ABCA12: variants seen among roughly 807,000 people sequenced by gnomAD.
The protein encoded by ABCA12 is ATP binding cassette subfamily A member 12.
In ABCA12, 156 loss-of-function variants were observed where a neutral mutation model predicts 293.5. That is an observed-to-expected ratio of 0.53 (90% CI 0.47 to 0.61). The LOEUF is 0.61. Ranked by LOEUF, ABCA12 falls within the 20% of genes least tolerant of loss-of-function variation. The probability of loss-of-function intolerance (pLI) is 0.00; values close to 1 mark genes in which losing one functional copy is unlikely to be tolerated. For synonymous variants in ABCA12, 1,063 were observed against 1,108.0 expected, an observed-to-expected ratio of 0.96 and a Z score of 0.81; for missense variants, 2,797 against 3,090.2, an observed-to-expected ratio of 0.91 and a Z score of 2.25.
At chr2:214,991,478 T>C (rs1206586672) in intron 23 of ABCA12, among the ~76,000 whole-genome samples, 2 of 152,078 alleles carry the variant, frequency 1.3e-5, no homozygotes, top group Non-Finnish European at 2.9e-5. Flanking sequence ...TAAAAATCCA[T>C]AATTTTTTTT....
intron 2 of ABCA12, among the ~76,000 whole-genome samples, chr2:215,097,294 G>A (rs1473509997): frequency 6.6e-6 from 1 of 151,614 alleles, no homozygotes; most frequent in African/African-American, 2.4e-5. Flanking sequence ...ATGCTATTAA[G>A]CTTTACCTTA....
chr2:215,050,800 A>G (rs1701305175), intron 5 of ABCA12: 1 of 985,300 alleles, frequency 1.0e-6, no homozygotes, highest in Non-Finnish European at 1.2e-6. Context: ...TCACCCAAAA[A>G]TGATTTCTCT....
chr2:214,932,337 A>AAATT lies in ABCA12; in HGVS notation c.*293_*296dup, dbSNP rs774136497. 10 of 323,322 alleles carry AAATT rather than the reference A, an allele frequency of 3.1e-5. No homozygotes were observed. The highest frequency in any genetic ancestry group is 5.8e-5 in the Non-Finnish European group (10 of 172,874). The allele number at this position is 323,322 out of a possible 1,614,324, so 20.0% of individuals were successfully genotyped here. A position where few individuals can be genotyped will look rare whatever the true frequency, so the allele number is the denominator to read the frequency against. On this transcript the variant is annotated 3_prime_UTR_variant, in exon 53 of 53. Transcript: ENST00000272895. ...AAACTGTCTTTTTATTGAAAGTAAT[A>AAATT]AATTAAGATATTCATCTTGAGGTGG...
chr2:215,046,231 T>C (rs1701199405), intron 6 of ABCA12, among the ~76,000 whole-genome samples: 1 of 152,028 alleles, frequency 6.6e-6, no homozygotes, highest in Non-Finnish European at 1.5e-5. Context: ...CTCCAGAAAT[T>C]GGCATAAAAG....
intron 2 of ABCA12, among the ~76,000 whole-genome samples, chr2:215,081,961 C>G (rs1701950834): frequency 1.3e-5 from 2 of 151,426 alleles, no homozygotes; most frequent in African/African-American, 4.9e-5. Flanking sequence ...GTTACACACA[C>G]TGTATTGACC....
intron 38 of ABCA12, among the ~76,000 whole-genome samples, chr2:214,967,693 T>C (rs1168538873): frequency 6.6e-6 from 1 of 152,146 alleles, no homozygotes; most frequent in African/African-American, 2.4e-5. Flanking sequence ...CTATATGATT[T>C]ACTGTAAAAA....
chr2:214,988,950 G>A (rs1460754309), intron 26 of ABCA12, among the ~76,000 whole-genome samples: 2 of 151,154 alleles, frequency 1.3e-5, no homozygotes, highest in South Asian at 2.1e-4. Flanking sequence ...AGGCCAAGGC[G>A]GGCAGATGAC....
chr2:215,097,687 T>C (rs1702274898), intron 2 of ABCA12, among the ~76,000 whole-genome samples: 2 of 152,234 alleles, frequency 1.3e-5, no homozygotes, highest in Admixed American at 1.3e-4. Flanking sequence ...TAATACTCTT[T>C]GCACTAACAT....
At chr2:215,054,442 G>A (rs10194592) in intron 4 of ABCA12, 131 bp downstream of exon 4, 179,166 of 787,610 alleles carry the variant, frequency 0.23, 22,775 homozygotes, top group East Asian at 0.44. Context: ...CATGAGGAAC[G>A]TTTAGATCTC....
chr2:215,015,173 A>C (rs1700464472), intron 15 of ABCA12, among the ~76,000 whole-genome samples: 1 of 152,172 alleles, frequency 6.6e-6, no homozygotes, highest in South Asian at 2.1e-4. Flanking sequence ...AAAAAATAAT[A>C]ATTGCAACAT....
intron 2 of ABCA12, among the ~76,000 whole-genome samples, chr2:215,080,445 G>A (rs1701915044): frequency 6.6e-6 from 1 of 151,940 alleles, no homozygotes; most frequent in Non-Finnish European, 1.5e-5. Flanking sequence ...GGAGGTTGCA[G>A]TAAGCTGAGA....
chr2:215,064,150 G>C lies in ABCA12; in HGVS notation c.233C>G (p.Thr78Arg). 1.9e-6 allele frequency: 3 copies of C among 1,612,906 alleles called. No homozygotes were observed. Among genetic ancestry groups the C allele is most frequent in the East Asian group, 2.2e-5 (1 of 44,828 alleles). The change falls in exon 3 of 53, where the codon ACA (threonine) becomes AGA (arginine). Residue 78 changes from threonine to arginine, a missense_variant. Physicochemically the swap from Thr to Arg is moderately conservative, Grantham distance 71 (BLOSUM62 -1). Transcript: ENST00000272895. ...GGGTGTGTCTTTGCATTTAGAGTCTGTGTCACAGAGTAGGGTCTGCAGGAA... is the reference window on the plus strand; with the variant it reads ...GGGTGTGTCTTTGCATTTAGAGTCTCTGTCACAGAGTAGGGTCTGCAGGAA... Reference protein sequence around the residue: ...FPFLQTLLCDTDSKCKDTPYG... With the variant: ...FPFLQTLLCDRDSKCKDTPYG...
Position 214,980,626 on chromosome 2 carries a change from A to G in ABCA12, c.4597T>C (p.Ser1533Pro). The change falls in exon 31 of 53, where the codon TCA becomes CCA. Residue 1533 changes from serine to proline, a missense_variant. Around this residue, in one of 3 missense-constraint regions of ABCA12, gnomAD observed 2,130 missense variants for 2,427.0 expected, o/e 0.88. Transcript: ENST00000272895. ...TCAGCCTCGTCCAAGTGGTGCGTTG[A>G]CAGAATGATTGTTCTGGCTTGAAAA... Reference protein sequence around the residue: ...KNKTARTIILSTHHLDEAEVL... With the variant: ...KNKTARTIILPTHHLDEAEVL... 6.2e-7 allele frequency: 1 copy of G among 1,614,108 alleles called. No homozygotes were observed. The highest frequency in any genetic ancestry group is 8.5e-7 in the Non-Finnish European group (1 of 1,179,984).
In ABCA12 at chr2:215,011,562, C is replaced by T. The variant is rs145499495; in HGVS notation, c.2209G>A (p.Glu737Lys). ...GAGGGCAGCATGGCAGTTAAATATT[C>T]AGTGGTAATTCCTTGAGAACATAAT... The part of the protein sequence containing the change: ...QALCSQGITT[E>K]YLTAMLPSSQ... The change falls in exon 17 of 53, where the codon GAA becomes AAA. Residue 737 changes from glutamate to lysine, a missense_variant. Glu to Lys is a moderately conservative substitution (Grantham distance 56, BLOSUM62 1). Transcript: ENST00000272895. 1.7e-4 allele frequency: 267 copies of T among 1,614,056 alleles called. No homozygotes were observed. In the African/African-American group the frequency reaches 2.8e-3, roughly 17 times the overall value.
chr2:215,000,656 C>A (rs778185004), intron 22 of ABCA12, 49 bp downstream of exon 22: 1 of 1,605,472 alleles, frequency 6.2e-7, no homozygotes, highest in Admixed American at 1.7e-5. Context: ...GAAGTGAGTT[C>A]TCAGAAAAGT....
intron 23 of ABCA12, among the ~76,000 whole-genome samples, chr2:214,994,141 T>C (rs532654942): frequency 2.8e-4 from 43 of 152,244 alleles, no homozygotes; most frequent in Non-Finnish European, 5.4e-4. Flanking sequence ...ATATAAGTCA[T>C]CCATAAATTA....
In ABCA12 at chr2:214,978,308, A is replaced by G; in HGVS notation, c.5128+8T>C. On this transcript the variant is annotated splice_region_variant and intron_variant, in intron 33 of 52. Coordinates refer to ENST00000272895, the MANE Select transcript of ABCA12 (RefSeq NM_173076.3). ...GAATTAAACAAAATATCCACATTAG[A>G]TTCATACCATCTCTGTCTGTGAAAT... 6.2e-7 allele frequency: 1 copy of G among 1,613,928 alleles called. No homozygotes were observed. The highest frequency in any genetic ancestry group is 8.5e-7 in the Non-Finnish European group (1 of 1,179,912).
chr2:214,953,679 G>T (rs1171586949), intron 44 of ABCA12, among the ~76,000 whole-genome samples, 175 bp downstream of exon 44: 1 of 152,138 alleles, frequency 6.6e-6, no homozygotes, highest in African/African-American at 2.4e-5. Context: ...ATTAAGATTT[G>T]ATAACTACTT....
rs781587312 is a variant in ABCA12 at position 214,950,886 on chromosome 2, G to C, written c.6845C>G (p.Ala2282Gly). ...AVNNISIGIP[A>G]GECFGLLGVN... is the part of the protein sequence containing the mutation. ...CAAAACACAGTTTCTTACCTCTCCA[G>C]CAGGTATCCCAATGCTGATGTTGTT... Residue 2282 changes from alanine (A) to glycine (G), a missense_variant, in exon 45 of 53, where the codon GCT becomes GGT. Around this residue, in one of 3 missense-constraint regions of ABCA12, gnomAD observed 2,130 missense variants for 2,427.0 expected, o/e 0.88. Transcript: ENST00000272895. The C allele has an allele frequency of 1.8e-5, 29 of 1,613,800 alleles. No individual in the cohort carries two copies. The African/African-American group carries it at 3.5e-4, about 19-fold the overall frequency.
Sources: gnomAD v4.1 joint callset for allele counts (sites outside exome capture counted in the v4.1 genomes callset) on GRCh38, gnomAD v4.1.1 for gene constraint, gnomAD v4.1.1 regional missense constraint, MANE v1.5 for transcripts, NCBI Gene and HGNC (gene_info 2026-07-23, HGNC 2026-07-21) for gene names.